PTPRK: variants seen among roughly 807,000 people sequenced by gnomAD.
PTPRK encodes the protein receptor-type tyrosine-protein phosphatase kappa.
PTPRK carries 75 observed loss-of-function variants against 178.0 expected under a neutral mutation model. The ratio of observed to expected loss-of-function variants is 0.42; its 90% CI spans 0.35 to 0.51. The LOEUF (loss-of-function observed/expected upper bound fraction) is 0.51, where lower values mean the gene tolerates loss of function less well. Ranked by LOEUF, PTPRK falls within the 20% of genes least tolerant of loss-of-function variation. PTPRK has a pLI of 0.02. For synonymous variants in PTPRK, 637 were observed against 620.6 expected, an observed-to-expected ratio of 1.03 and a Z score of -0.39; for missense variants, 1,441 against 1,797.8, an observed-to-expected ratio of 0.80 and a Z score of 3.59.
intron 1 of PTPRK, among the ~76,000 whole-genome samples, chr6:128,432,232 T>C (rs1202099802): frequency 2.0e-5 from 3 of 152,238 alleles, no homozygotes; most frequent in Admixed American, 6.5e-5. Flanking sequence ...TAACTTCTTA[T>C]TGTACGAATA....
chr6:128,509,945 C>T (rs919193197), intron 1 of PTPRK, among the ~76,000 whole-genome samples: 9 of 152,176 alleles, frequency 5.9e-5, no homozygotes, highest in African/African-American at 2.2e-4. Context: ...CACCAGATAG[C>T]AATCTGCTCC....
intron 7 of PTPRK, among the ~76,000 whole-genome samples, chr6:128,099,988 T>C (rs1280913720): frequency 6.6e-6 from 1 of 152,024 alleles, no homozygotes; most frequent in Admixed American, 6.6e-5. Flanking sequence ...CTAGAAATGC[T>C]AGTGTGATTA....
At chr6:128,024,502 T>C (rs926774570) in intron 13 of PTPRK, among the ~76,000 whole-genome samples, 6 of 152,150 alleles carry the variant, frequency 3.9e-5, no homozygotes, top group African/African-American at 1.4e-4. Context: ...TTTGACATTT[T>C]CTTAGTGTAC....
chr6:128,461,949 C>T (rs191408438), intron 1 of PTPRK, among the ~76,000 whole-genome samples: 2 of 152,300 alleles, frequency 1.3e-5, no homozygotes, highest in East Asian at 3.9e-4. Flanking sequence ...TTTCATATTA[C>T]ATCTAACATT....
intron 7 of PTPRK, among the ~76,000 whole-genome samples, chr6:128,138,704 T>C (rs1006829139): frequency 3.3e-5 from 5 of 152,132 alleles, no homozygotes; most frequent in Non-Finnish European, 7.4e-5. Flanking sequence ...ACTATTTCTA[T>C]CAATCATCTG....
At chr6:128,119,662 T>TATAC (rs1246923101) in intron 7 of PTPRK, among the ~76,000 whole-genome samples, 1 of 152,062 alleles carries the variant, frequency 6.6e-6, no homozygotes, top group African/African-American at 2.4e-5. Context: ...ACTTCTGTTG[T>TATAC]ATACAGGTTT....
In PTPRK at chr6:128,465,260, T is replaced by C; in HGVS notation, c.100+54999A>G. On this transcript the variant is annotated intron_variant, in intron 1 of 29. Coordinates refer to ENST00000368226, the MANE Select transcript of PTPRK (RefSeq NM_002844.4). ...TTAAAAGATCATGAAGAGTTTTAAT[T>C]AAACAAGTTGCTTTTTTTTCAACAA... Among the ~76,000 whole-genome samples the C allele has an allele frequency of 1.3e-5, 2 of 152,040 alleles. 1 individual carries two copies. The highest frequency in any genetic ancestry group is 1.3e-4 in the Admixed American group (2 of 15,264).
chr6:128,049,170 T>C (rs1582720551), intron 13 of PTPRK, among the ~76,000 whole-genome samples: 1 of 152,212 alleles, frequency 6.6e-6, no homozygotes, highest in Admixed American at 6.5e-5. Flanking sequence ...CTTTTATCTA[T>C]GGAAATGTCA....
At chr6:128,347,313 C>T (rs1328569696) in intron 2 of PTPRK, among the ~76,000 whole-genome samples, 5 of 151,988 alleles carry the variant, frequency 3.3e-5, no homozygotes, top group Admixed American at 3.3e-4. Context: ...CCTTTATGAC[C>T]GTGAGAATGA....
intron 13 of PTPRK, among the ~76,000 whole-genome samples, chr6:128,053,499 C>G (rs138015026): frequency 6.6e-6 from 1 of 152,078 alleles, no homozygotes; most frequent in Non-Finnish European, 1.5e-5. Flanking sequence ...CCATGCTATG[C>G]GTCCCTGACA....
intron 6 of PTPRK, among the ~76,000 whole-genome samples, chr6:128,198,472 TG>T (rs1805321074): frequency 6.6e-6 from 1 of 151,706 alleles, no homozygotes; most frequent in Non-Finnish European, 1.5e-5. Flanking sequence ...TGGCCTGTTG[TG>T]GGGGTAGGGG....
chr6:128,385,081 ATAAT>A (rs1159114580), intron 2 of PTPRK, among the ~76,000 whole-genome samples: 1 of 147,988 alleles, frequency 6.8e-6, no homozygotes, highest in African/African-American at 2.4e-5. Flanking sequence ...CTATATTAAT[ATAAT>A]TAATATTATA....
chr6:128,420,645 A>G (rs1843374602), intron 1 of PTPRK, among the ~76,000 whole-genome samples: 1 of 152,222 alleles, frequency 6.6e-6, no homozygotes, highest in African/African-American at 2.4e-5. Context: ...GTGAGCATTT[A>G]GAGAGCAGCA....
intron 2 of PTPRK, among the ~76,000 whole-genome samples, chr6:128,332,710 C>G (rs1248590384): frequency 6.6e-6 from 1 of 152,176 alleles, no homozygotes; most frequent in Non-Finnish European, 1.5e-5. Context: ...TTAACCCTTC[C>G]CTTCACAACT....
chr6:128,363,305 T>C (rs764039373), intron 2 of PTPRK, among the ~76,000 whole-genome samples: 2 of 152,226 alleles, frequency 1.3e-5, no homozygotes, highest in Non-Finnish European at 2.9e-5. Context: ...TAAGATAAAG[T>C]TCTGTGTCCC....
At chr6:128,028,296 A>C (rs561600997) in intron 13 of PTPRK, among the ~76,000 whole-genome samples, 56 of 152,360 alleles carry the variant, frequency 3.7e-4, no homozygotes, top group African/African-American at 1.3e-3. Context: ...AAGTGATAAC[A>C]GTTGCTTAGA....
At chr6:128,125,028 C>T (rs757719019) in intron 7 of PTPRK, among the ~76,000 whole-genome samples, 16 of 152,220 alleles carry the variant, frequency 1.1e-4, no homozygotes, top group African/African-American at 1.4e-4. Flanking sequence ...TACCAGCAGA[C>T]ATAATTTCAT....
chr6:128,131,803 C>T (rs1302939629), intron 7 of PTPRK, among the ~76,000 whole-genome samples: 1 of 152,112 alleles, frequency 6.6e-6, no homozygotes, highest in Non-Finnish European at 1.5e-5. Flanking sequence ...TATTTAATGT[C>T]AAATTAGAGC....
intron 13 of PTPRK, among the ~76,000 whole-genome samples, chr6:128,010,501 G>A (rs1019006965): frequency 1.3e-5 from 2 of 150,664 alleles, no homozygotes; most frequent in African/African-American, 2.4e-5. Context: ...CCCCCTCCCC[G>A]CAACCCATAG....
Sources: allele counts gnomAD v4.1 joint callset (sites outside exome capture counted in the v4.1 genomes callset), GRCh38; gene constraint gnomAD v4.1.1; transcripts MANE v1.5; gene names NCBI Gene and HGNC (gene_info 2026-07-23, HGNC 2026-07-21).